Variants in KCNN2 observed in about 807,000 individuals in gnomAD.
KCNN2 encodes potassium calcium-activated channel subfamily N member 2.
In KCNN2, 24 loss-of-function variants were observed where a neutral mutation model predicts 55.5. That is an observed-to-expected ratio of 0.43 (90% confidence interval 0.31 to 0.61). KCNN2 has a LOEUF of 0.61. KCNN2 is among the 20% of genes least tolerant of loss of function. KCNN2 has a pLI of 0.08. For missense variants in KCNN2, 754 were observed against 853.6 expected, an observed-to-expected ratio of 0.88 and a Z score of 1.45; for synonymous variants, 431 against 336.1, an observed-to-expected ratio of 1.28 and a Z score of -3.09.
intron 2 of KCNN2, among the ~76,000 whole-genome samples, chr5:114,381,191 T>C (rs1758114574): frequency 1.3e-5 from 2 of 152,220 alleles, no homozygotes; most frequent in Admixed American, 1.3e-4. Flanking sequence ...TTCTGCTCTT[T>C]TTCTGCCATA....
At chr5:114,335,605 A>G (rs1285049825) in intron 2 of KCNN2, among the ~76,000 whole-genome samples, 5 of 152,142 alleles carry the variant, frequency 3.3e-5, no homozygotes, top group African/African-American at 4.8e-5. Flanking sequence ...TCAGCAATCT[A>G]AAAATACAGA....
intron 3 of KCNN2, among the ~76,000 whole-genome samples, chr5:114,417,143 TG>T (rs1332677152): frequency 2.0e-5 from 3 of 152,232 alleles, no homozygotes; most frequent in African/African-American, 4.8e-5. Context: ...AATTTTAATC[TG>T]GTTTAAATAT....
intron 2 of KCNN2, among the ~76,000 whole-genome samples, chr5:114,349,416 T>C (rs184373357): frequency 6.6e-6 from 1 of 152,202 alleles, no homozygotes; most frequent in East Asian, 1.9e-4. Context: ...ACACAAACTT[T>C]GTTCCATGCA....
intron 2 of KCNN2, among the ~76,000 whole-genome samples, chr5:114,237,815 A>T (rs4440350): frequency 0.8 from 121,932 of 152,148 alleles, 49,158 homozygotes; most frequent in East Asian, 0.9. Flanking sequence ...TAACTCATAT[A>T]TAGCCTTCTA....
At chr5:114,441,914 G>A (rs1409362881) in intron 3 of KCNN2, among the ~76,000 whole-genome samples, 1 of 152,184 alleles carries the variant, frequency 6.6e-6, no homozygotes, top group South Asian at 2.1e-4. Context: ...GACTGCCAGT[G>A]AGTAGCCAAA....
chr5:114,372,377 G>A (rs530038329), intron 2 of KCNN2, among the ~76,000 whole-genome samples: 34 of 152,196 alleles, frequency 2.2e-4, no homozygotes, highest in South Asian at 8.3e-4. Context: ...AACTCTATTA[G>A]CCACCTCACA....
chr5:114,345,353 A>G (rs13165130), intron 2 of KCNN2, among the ~76,000 whole-genome samples: 47,266 of 152,068 alleles, frequency 0.31, 7,646 homozygotes, highest in Non-Finnish European at 0.36. Context: ...AAGGGCAAAA[A>G]GGATAACAGA....
intron 1 of KCNN2, among the ~76,000 whole-genome samples, chr5:114,087,569 C>T (rs1751042300): frequency 6.6e-6 from 1 of 152,056 alleles, no homozygotes; most frequent in Non-Finnish European, 1.5e-5. Context: ...TCACCTTTGT[C>T]AAAGATCAGA....
intron 2 of KCNN2, among the ~76,000 whole-genome samples, chr5:114,284,188 T>C (rs1372973393): frequency 2.0e-5 from 3 of 152,322 alleles, no homozygotes; most frequent in Middle Eastern, 3.4e-3. Context: ...TAGCAAGAAA[T>C]TCCCTAATAT....
chr5:114,107,670 A>G (rs185357723), intron 1 of KCNN2, among the ~76,000 whole-genome samples: 2 of 151,980 alleles, frequency 1.3e-5, no homozygotes. Flanking sequence ...TGTTGGCATT[A>G]TAGGCATGCA....
chr5:114,455,840 C>G (rs1342058806), intron 3 of KCNN2, among the ~76,000 whole-genome samples: 1 of 152,212 alleles, frequency 6.6e-6, no homozygotes, highest in African/African-American at 2.4e-5. Context: ...AAGCCAAAGC[C>G]TAATCCATAC....
chr5:114,134,117 C>T (rs1187149941), intron 1 of KCNN2, among the ~76,000 whole-genome samples: 1 of 152,000 alleles, frequency 6.6e-6, no homozygotes, highest in South Asian at 2.1e-4. Flanking sequence ...TTTACCAGCC[C>T]CCACTTCCCA....
At chr5:114,450,333 G>A (rs377322733) in intron 3 of KCNN2, among the ~76,000 whole-genome samples, 3 of 152,152 alleles carry the variant, frequency 2.0e-5, no homozygotes, top group African/African-American at 4.8e-5. Flanking sequence ...TGTCTGCTGG[G>A]GTTCCAGTTT....
At chr5:114,134,002 C>G (rs901848420) in intron 1 of KCNN2, among the ~76,000 whole-genome samples, 7 of 152,274 alleles carry the variant, frequency 4.6e-5, no homozygotes, top group Non-Finnish European at 8.8e-5. Flanking sequence ...ATTGCTTCTT[C>G]TCTGTATTGG....
rs557912829 is a variant in KCNN2 at position 114,347,585 on chromosome 5, G to C, written c.-184-13360G>C. Among the ~76,000 whole-genome samples, 402 of 152,198 alleles carry C rather than the reference G, an allele frequency of 2.6e-3. 3 individuals carry two copies. The highest frequency in any genetic ancestry group is 9.4e-3 in the African/African-American group (391 of 41,536). ...TGATCAATCTTATTTCAGTGGTTTG[G>C]TATATTTCACATAATTTATCTTTGG... On this transcript the variant is annotated intron_variant, in intron 2 of 10. Coordinates refer to the KCNN2 transcript ENST00000512097.
chr5:114,101,409 GTTTTCTTTTTTTTTT>G (rs1295050644), intron 1 of KCNN2, among the ~76,000 whole-genome samples: 153 of 130,708 alleles, frequency 1.2e-3, no homozygotes, highest in African/African-American at 4.4e-3. Flanking sequence ...ACCATCTATG[GTTTTCTTTTTTTTTT>G]TTTTCTTTTT....
At position 114,141,951 on chromosome 5, in the gene KCNN2, A is replaced by G. The variant is rs184958036; in HGVS notation, c.-270-79529A>G. 7.9e-5 allele frequency among the ~76,000 whole-genome samples: 12 copies of G among 152,170 alleles called. No individual in the cohort carries two copies. The East Asian group carries it at 2.3e-3, about 29-fold the overall frequency. On this transcript the variant is annotated intron_variant, in intron 1 of 10. Coordinates refer to the KCNN2 transcript ENST00000512097. ...CTTCTTTTGAGAAGTGTCTGTTCAT[A>G]TCCTTTGCCCACTTTTTGATGGGGT...
intron 2 of KCNN2, among the ~76,000 whole-genome samples, chr5:114,299,862 C>A (rs1038583227): frequency 1.3e-5 from 2 of 152,104 alleles, no homozygotes; most frequent in Non-Finnish European, 2.9e-5. Flanking sequence ...TCTACCCAGT[C>A]ATCTACCACC....
At chr5:114,435,999 G>T (rs1222965567) in intron 3 of KCNN2, among the ~76,000 whole-genome samples, 2 of 152,070 alleles carry the variant, frequency 1.3e-5, no homozygotes, top group African/African-American at 2.4e-5. Context: ...TTTTATCTCT[G>T]ACCACCTTGA....
Sources: allele counts gnomAD v4.1 joint callset (sites outside exome capture counted in the v4.1 genomes callset), GRCh38; gene constraint gnomAD v4.1.1; transcripts MANE v1.5; gene names NCBI Gene and HGNC (gene_info 2026-07-23, HGNC 2026-07-21).